CDK5RAP2: variants seen among roughly 807,000 people sequenced by gnomAD.
The protein encoded by CDK5RAP2 is CDK5 regulatory subunit-associated protein 2.
In CDK5RAP2, 147 loss-of-function variants were observed where a neutral mutation model predicts 232.9. The ratio of observed to expected loss-of-function variants is 0.63; its 90% CI spans 0.55 to 0.72. CDK5RAP2 has a LOEUF of 0.72. CDK5RAP2 is among the 30% of genes least tolerant of loss of function. The pLI is 0.00. For synonymous variants in CDK5RAP2, 833 were observed against 833.7 expected (o/e 1.00, Z 0.01); for missense variants, 2,195 against 2,231.5 (o/e 0.98, Z 0.33).
intron 16 of CDK5RAP2, among the ~76,000 whole-genome samples, chr9:120,470,511 G>A (rs374471985): frequency 2.6e-5 from 4 of 152,324 alleles, no homozygotes. Flanking sequence ...ATTGTGCCTG[G>A]AGACCATTCT....
At chr9:120,537,667 A>T (rs10984948) in intron 6 of CDK5RAP2, among the ~76,000 whole-genome samples, 20,691 of 151,512 alleles carry the variant, frequency 0.14, 1,988 homozygotes, top group East Asian at 0.29. Flanking sequence ...ACTTAGCCAC[A>T]CTGTGCCTGT....
At chr9:120,484,692 C>G (rs2038499587) in intron 14 of CDK5RAP2, among the ~76,000 whole-genome samples, 1 of 151,932 alleles carries the variant, frequency 6.6e-6, no homozygotes, top group Non-Finnish European at 1.5e-5. Context: ...GCACTGCACT[C>G]CAGCCTGGGT....
rs749266158 is a variant in CDK5RAP2 at position 120,439,893 on chromosome 9, A to C, written c.3228T>G (p.Thr1076=). ...TGGAACTCAGGTAAGTAGCTACTGA[A>C]GTTGGGCTCAGAACATCTTCAGGAT... The part of the protein sequence containing the change: ...KENPEDVLSP[T]SVATYLSSKS... The change falls in exon 24 of 38, where the codon ACT becomes ACG. Residue 1076 remains threonine (T), a synonymous_variant. Coordinates refer to ENST00000349780, the MANE Select transcript of CDK5RAP2 (RefSeq NM_018249.6). The C allele has an allele frequency of 6.2e-7, 1 of 1,614,082 alleles. No individual in the cohort carries two copies. The highest frequency in any genetic ancestry group is 8.5e-7 in the Non-Finnish European group (1 of 1,180,028).
intron 12 of CDK5RAP2, among the ~76,000 whole-genome samples, chr9:120,498,735 A>C (rs1564302232): frequency 6.6e-6 from 1 of 151,866 alleles, no homozygotes; most frequent in Admixed American, 6.6e-5. Flanking sequence ...ATATATATAT[A>C]TATCAACGGG....
intron 12 of CDK5RAP2, among the ~76,000 whole-genome samples, chr9:120,514,823 T>C (rs535837950): frequency 6.6e-6 from 1 of 152,304 alleles, no homozygotes; most frequent in South Asian, 2.1e-4. Flanking sequence ...TGAAGACGTA[T>C]ACATGTTATG....
intron 25 of CDK5RAP2, among the ~76,000 whole-genome samples, chr9:120,428,532 A>T (rs569480920): frequency 3.9e-5 from 6 of 152,354 alleles, no homozygotes; most frequent in African/African-American, 1.4e-4. Flanking sequence ...TCCTCGACAC[A>T]TACACTATCC....
intron 25 of CDK5RAP2, among the ~76,000 whole-genome samples, chr9:120,424,499 G>C (rs1166971359): frequency 6.6e-6 from 1 of 152,170 alleles, no homozygotes; most frequent in Admixed American, 6.5e-5. Flanking sequence ...ACAACTGTGT[G>C]TTAAAAGAAC....
intron 35 of CDK5RAP2, among the ~76,000 whole-genome samples, chr9:120,395,148 T>A (rs927074162): frequency 1.3e-5 from 2 of 152,124 alleles, no homozygotes; most frequent in African/African-American, 4.8e-5. Flanking sequence ...CAAAAAATGA[T>A]CACAGTTAGT....
chr9:120,532,767 T>C (rs918220693), intron 7 of CDK5RAP2, among the ~76,000 whole-genome samples: 2 of 152,108 alleles, frequency 1.3e-5, no homozygotes, highest in African/African-American at 2.4e-5. Flanking sequence ...AGGACTGACA[T>C]GTTGGGTTTT....
intron 1 of CDK5RAP2, among the ~76,000 whole-genome samples, chr9:120,573,171 G>T (rs2042914086): frequency 6.6e-6 from 1 of 152,146 alleles, no homozygotes. Context: ...CCAAACTTTG[G>T]AGTTGGAATG....
At chr9:120,443,327 G>A (rs2036001750) in intron 23 of CDK5RAP2, among the ~76,000 whole-genome samples, 1 of 152,204 alleles carries the variant, frequency 6.6e-6, no homozygotes, top group Non-Finnish European at 1.5e-5. Flanking sequence ...AGCAGGCTGT[G>A]TCTTTTCATG....
intron 24 of CDK5RAP2, 141 bp downstream of exon 24, chr9:120,439,258 T>G (rs918347118): frequency 5.2e-5 from 42 of 800,314 alleles, no homozygotes; most frequent in Non-Finnish European, 8.5e-5. Context: ...CCTGGCTGCC[T>G]GAACCCCACC....
Position 120,435,470 on chromosome 9 carries a change from T to TACACACAC in CDK5RAP2, c.3955+1817_3955+1824dup, listed in dbSNP as rs55654634. 1.9e-3 allele frequency among the ~76,000 whole-genome samples: 278 copies of TACACACAC among 147,408 alleles called. 1 individual carries two copies. Among genetic ancestry groups the TACACACAC allele is most frequent in the Admixed American group, 3.7e-3 (54 of 14,714 alleles). ...TTTTTTAAAAAATAAATTACACATT[T>TACACACAC]ACACACACACACACACACACACACA... On this transcript the variant is annotated intron_variant, in intron 25 of 37. Transcript: ENST00000349780.
At chr9:120,533,797 TAA>T (rs147527299) in intron 7 of CDK5RAP2, among the ~76,000 whole-genome samples, 545 of 52,714 alleles carry the variant, frequency 0.01, 6 homozygotes, top group African/African-American at 0.035. Flanking sequence ...AGACTCCATC[TAA>T]AAAAAAAAAA....
chr9:120,450,540 T>A (rs971908418), intron 21 of CDK5RAP2, among the ~76,000 whole-genome samples: 5 of 152,184 alleles, frequency 3.3e-5, no homozygotes, highest in African/African-American at 1.2e-4. Context: ...GTGTTTTTTT[T>A]AAAGTTTTTA....
intron 14 of CDK5RAP2, among the ~76,000 whole-genome samples, chr9:120,485,935 A>G (rs917399275): frequency 1.3e-5 from 2 of 152,256 alleles, no homozygotes; most frequent in African/African-American, 4.8e-5. Context: ...GAGAAACAGC[A>G]AAATGCAAAT....
chr9:120,427,273 A>G (rs2034969050), intron 25 of CDK5RAP2, among the ~76,000 whole-genome samples: 1 of 152,246 alleles, frequency 6.6e-6, no homozygotes, highest in Admixed American at 6.5e-5. Flanking sequence ...AAAAACAAAA[A>G]AATCCATAAT....
intron 1 of CDK5RAP2, among the ~76,000 whole-genome samples, chr9:120,577,767 T>C (rs1324576330): frequency 6.6e-6 from 1 of 152,058 alleles, no homozygotes; most frequent in Non-Finnish European, 1.5e-5. Context: ...AGATGATGAG[T>C]GACTTGCCCC....
intron 8 of CDK5RAP2, among the ~76,000 whole-genome samples, chr9:120,529,083 G>A (rs972668162): frequency 3.3e-5 from 5 of 152,318 alleles, no homozygotes; most frequent in Admixed American, 6.5e-5. Flanking sequence ...GCCGTGTGGC[G>A]GAAGTGGGCA....
Sources: allele counts gnomAD v4.1 joint callset (sites outside exome capture counted in the v4.1 genomes callset), GRCh38; gene constraint gnomAD v4.1.1; transcripts MANE v1.5; gene names NCBI Gene and HGNC (gene_info 2026-07-23, HGNC 2026-07-21).